Variants in RBFOX1 observed in about 807,000 individuals in gnomAD.
RBFOX1 encodes the protein RNA binding protein fox-1 homolog 1.
In RBFOX1, 8 loss-of-function variants were observed where a neutral mutation model predicts 57.7. The ratio of observed to expected loss-of-function variants is 0.14; its 90% confidence interval spans 0.08 to 0.25. RBFOX1 has a LOEUF of 0.25. Ranked by LOEUF, RBFOX1 falls within the 10% of genes least tolerant of loss-of-function variation. The pLI, the probability that RBFOX1 is intolerant of heterozygous loss-of-function variation, is 1.00. For synonymous variants in RBFOX1, 326 were observed against 222.4 expected (o/e 1.47, Z -4.15); for missense variants, 611 against 548.5 (o/e 1.11, Z -1.14).
rs372063653 is a variant in RBFOX1 at position 6,718,927 on chromosome 16, A to T, written c.-16+64277A>T. 6.6e-5 allele frequency among the ~76,000 whole-genome samples: 10 copies of T among 152,056 alleles called. 1 individual carries two copies. The highest frequency in any genetic ancestry group is 2.4e-4 in the African/African-American group (10 of 41,470). On this transcript the variant is annotated intron_variant, in intron 3 of 15. Transcript: ENST00000550418. ...GCCTAGGCTGGAGTGCAGTGGCATGATCTCAGCTTGCTGCAGCTTCAACCT... is the reference window on the plus strand; with the variant it reads ...GCCTAGGCTGGAGTGCAGTGGCATGTTCTCAGCTTGCTGCAGCTTCAACCT...
chr16:6,113,639 G>A (rs1160215965), intron 1 of RBFOX1, among the ~76,000 whole-genome samples: 2 of 152,172 alleles, frequency 1.3e-5, no homozygotes, highest in African/African-American at 4.8e-5. Flanking sequence ...TCACAGTGAA[G>A]GGCAAGACTA....
chr16:7,181,307 A>G (rs2082654304), intron 4 of RBFOX1, among the ~76,000 whole-genome samples: 1 of 152,134 alleles, frequency 6.6e-6, no homozygotes, highest in African/African-American at 2.4e-5. Flanking sequence ...GATTCAGTAA[A>G]AGAAATTCCA....
chr16:6,413,203 C>T (rs2093518727), intron 2 of RBFOX1, among the ~76,000 whole-genome samples: 1 of 151,720 alleles, frequency 6.6e-6, no homozygotes, highest in Admixed American at 6.6e-5. Context: ...CCTGTAATCC[C>T]AGAGACTTGG....
chr16:5,675,090 GT>G (rs1346260933), intron 3 of RBFOX1, among the ~76,000 whole-genome samples: 1 of 152,166 alleles, frequency 6.6e-6, no homozygotes, highest in Non-Finnish European at 1.5e-5. Context: ...CAAGGCTGCA[GT>G]GAGCTGTGAT....
chr16:6,897,408 C>G (rs763832078), intron 3 of RBFOX1, among the ~76,000 whole-genome samples: 32 of 151,264 alleles, frequency 2.1e-4, no homozygotes, highest in Non-Finnish European at 4.0e-4. Context: ...GTCACACACA[C>G]ACAAAAGGAA....
At chr16:7,207,870 G>A (rs1034734988) in intron 4 of RBFOX1, among the ~76,000 whole-genome samples, 2 of 152,184 alleles carry the variant, frequency 1.3e-5, no homozygotes, top group Non-Finnish European at 2.9e-5. Flanking sequence ...AGAGAGCTAA[G>A]GAGAAGATAA....
chr16:6,838,562 C>G (rs995018264), intron 3 of RBFOX1, among the ~76,000 whole-genome samples: 1 of 152,182 alleles, frequency 6.6e-6, no homozygotes, highest in South Asian at 2.1e-4. Flanking sequence ...CACACACTGC[C>G]TATGAGGTAG....
intron 1 of RBFOX1, among the ~76,000 whole-genome samples, chr16:5,300,826 T>C (rs2063784495): frequency 6.6e-6 from 1 of 152,170 alleles, no homozygotes; most frequent in Non-Finnish European, 1.5e-5. Context: ...AAGTAAAATG[T>C]CGTTCATTTT....
Position 7,247,094 on chromosome 16 carries a change from A to G in RBFOX1, c.27+194996A>G, listed in dbSNP as rs555749906. Among the ~76,000 whole-genome samples, 6 of 152,284 alleles carry G rather than the reference A, an allele frequency of 3.9e-5. No homozygotes were observed. In the South Asian group the frequency reaches 6.2e-4, roughly 16 times the overall value. On this transcript the variant is annotated intron_variant, in intron 4 of 15. Transcript: ENST00000550418. ...TCCTTGATTTAGGCTGCACTCAGTC[A>G]TGTGTCTGCAGGTCAGCTGGCCCTC...
intron 4 of RBFOX1, among the ~76,000 whole-genome samples, chr16:7,456,656 C>G (rs1463256254): frequency 6.6e-6 from 1 of 152,180 alleles, no homozygotes; most frequent in African/African-American, 2.4e-5. Context: ...GCCTCCCTTT[C>G]TTGCCTCAGC....
chr16:6,739,891 G>A (rs150410472), intron 3 of RBFOX1, among the ~76,000 whole-genome samples: 3 of 152,106 alleles, frequency 2.0e-5, no homozygotes, highest in Admixed American at 6.6e-5. Flanking sequence ...ATAAAACGTG[G>A]TGGTCCACAT....
At chr16:6,884,964 A>G (rs1200042522) in intron 3 of RBFOX1, among the ~76,000 whole-genome samples, 5 of 152,160 alleles carry the variant, frequency 3.3e-5, no homozygotes, top group Admixed American at 6.6e-5. Context: ...TGAGACCGCA[A>G]CCCAGATCTA....
At chr16:7,245,623 A>G (rs2094262029) in intron 4 of RBFOX1, among the ~76,000 whole-genome samples, 1 of 152,244 alleles carries the variant, frequency 6.6e-6, no homozygotes, top group Non-Finnish European at 1.5e-5. Context: ...TTGGAGAGCT[A>G]GAGAAAGAGC....
intron 4 of RBFOX1, among the ~76,000 whole-genome samples, chr16:7,207,335 G>T (rs1156346887): frequency 1.3e-5 from 2 of 152,146 alleles, no homozygotes; most frequent in Non-Finnish European, 2.9e-5. Context: ...GATGGAACAT[G>T]ATTTTTCTTA....
intron 4 of RBFOX1, among the ~76,000 whole-genome samples, chr16:5,984,889 G>C (rs533568328): frequency 7.0e-6 from 1 of 142,006 alleles, no homozygotes; most frequent in Non-Finnish European, 1.5e-5. Flanking sequence ...CCTAAACATA[G>C]AAAAGGTACA....
At chr16:5,601,973 T>C (rs1014079136), downstream of RBFOX1, among the ~76,000 whole-genome samples, 4 of 152,222 alleles carry the variant, frequency 2.6e-5, no homozygotes, top group Non-Finnish European at 4.4e-5. Flanking sequence ...GATGATGGTA[T>C]CCTGCTGGTT....
At chr16:6,245,038 C>G (rs1443469759) in intron 1 of RBFOX1, among the ~76,000 whole-genome samples, 2 of 152,006 alleles carry the variant, frequency 1.3e-5, no homozygotes, top group Non-Finnish European at 2.9e-5. Flanking sequence ...TATTAATATT[C>G]TTCCTCGTCC....
intron 3 of RBFOX1, among the ~76,000 whole-genome samples, chr16:6,903,849 C>G (rs569076925): frequency 7.2e-5 from 11 of 152,160 alleles, no homozygotes; most frequent in South Asian, 2.1e-4. Flanking sequence ...AGGGAATGCA[C>G]GTCATTACTT....
intron 1 of RBFOX1, among the ~76,000 whole-genome samples, chr16:6,211,008 G>A (rs2097293128): frequency 1.3e-5 from 2 of 152,028 alleles, no homozygotes; most frequent in Non-Finnish European, 2.9e-5. Flanking sequence ...CAAGTAGAGG[G>A]AAGAAACCCT....
Sources: gnomAD v4.1 joint callset for allele counts (sites outside exome capture counted in the v4.1 genomes callset) on GRCh38, gnomAD v4.1.1 for gene constraint, MANE v1.5 for transcripts, NCBI Gene and HGNC (gene_info 2026-07-23, HGNC 2026-07-21) for gene names.